Variants in MUSK observed in about 807,000 individuals in gnomAD.
MUSK encodes the protein muscle, skeletal receptor tyrosine-protein kinase.
In MUSK, 55 loss-of-function variants were observed where a neutral mutation model predicts 88.7. The ratio of observed to expected loss-of-function variants is 0.62; its 90% CI spans 0.50 to 0.78. The LOEUF is 0.78. Among genes scored for constraint, MUSK ranks in the 30% least tolerant of loss-of-function variants. MUSK has a pLI of 0.00. For missense variants in MUSK, 1,015 were observed against 1,074.3 expected (o/e 0.94, Z 0.77); for synonymous variants, 387 against 391.9 (o/e 0.99, Z 0.15).
intron 5 of MUSK, among the ~76,000 whole-genome samples, chr9:110,713,364 A>G (rs2076701633): frequency 6.6e-6 from 1 of 150,788 alleles, no homozygotes; most frequent in Admixed American, 6.6e-5. Context: ...GGTTCAAGCG[A>G]TTCTTATGCT....
chr9:110,775,899 A>G lies in MUSK; in HGVS notation c.1296A>G (p.Pro432=). 1 of 1,613,992 alleles carries G rather than the reference A, an allele frequency of 6.2e-7. No individual in the cohort carries two copies. The highest frequency in any genetic ancestry group is 8.5e-7 in the Non-Finnish European group (1 of 1,179,856). The change falls in exon 10 of 15, where the codon CCA becomes CCG. Residue 432 remains proline, a synonymous_variant. Coordinates refer to ENST00000374448, the MANE Select transcript of MUSK (RefSeq NM_005592.4). ...YRSEMHLLSV[P]ECSKLPSMHW... ...CCGAGATGCATTTGCTGTCCGTGCC[A>G]GAATGCAGCAAGCTTCCCAGCATGC...
At chr9:110,682,048 C>A (rs1587889681) in intron 1 of MUSK, among the ~76,000 whole-genome samples, 2 of 152,094 alleles carry the variant, frequency 1.3e-5, no homozygotes, top group African/African-American at 4.8e-5. Context: ...ATTCACATAC[C>A]GTGCGCTTTA....
chr9:110,668,867 C>T lies in MUSK; in HGVS notation c.-38C>T, dbSNP rs1180215204. 17 of 1,544,048 alleles carry T rather than the reference C, an allele frequency of 1.1e-5. No homozygotes were observed. Among genetic ancestry groups the T allele is most frequent in the Non-Finnish European group, 1.5e-5 (17 of 1,116,642 alleles). The stretch of plus-strand genomic sequence containing the variant: ...TGTGGAGCCATTTTCCTTGCGTTGT[C>T]CAGAAGGAACTTCGTCCTGCGTGAG... On this transcript the variant is annotated 5_prime_UTR_variant, in exon 1 of 15. Transcript: ENST00000374448.
chr9:110,689,787 AT>A (rs1336151109), intron 3 of MUSK, among the ~76,000 whole-genome samples: 12 of 62,118 alleles, frequency 1.9e-4, no homozygotes, highest in African/African-American at 3.0e-4. Context: ...TAGTTTATAT[AT>A]TTTTTAATAT....
intron 5 of MUSK, among the ~76,000 whole-genome samples, chr9:110,698,576 T>G (rs762067433): frequency 2.0e-5 from 3 of 152,176 alleles, no homozygotes; most frequent in Non-Finnish European, 4.4e-5. Flanking sequence ...ATTTCCTTGA[T>G]GGACATTCCT....
chr9:110,790,451 C>T (rs193295345), intron 14 of MUSK, among the ~76,000 whole-genome samples: 14 of 152,202 alleles, frequency 9.2e-5, no homozygotes, highest in Admixed American at 5.2e-4. Flanking sequence ...AGAATGATCC[C>T]GTAAAGAGAA....
chr9:110,785,647 G>A lies in MUSK; in HGVS notation c.1707G>A (p.Glu569=), dbSNP rs369090684. The A allele has an allele frequency of 1.2e-5, 20 of 1,613,302 alleles. No individual in the cohort carries two copies. Among genetic ancestry groups the A allele is most frequent in the Non-Finnish European group, 1.6e-5 (19 of 1,179,592 alleles). The part of the protein sequence containing the change: ...LLLNPKLLSL[E]YPRNNIEYVR... ...TGAACCCCAAATTGCTCAGCCTGGA[G>A]TATCCAAGGAATAACATTGAATATG... The change falls in exon 13 of 15, where the codon GAG becomes GAA. Residue 569 remains glutamate (E), a synonymous_variant. Transcript: ENST00000374448.
At chr9:110,738,163 C>G (rs2077052519) in intron 6 of MUSK, among the ~76,000 whole-genome samples, 1 of 152,098 alleles carries the variant, frequency 6.6e-6, no homozygotes, top group Non-Finnish European at 1.5e-5. Context: ...TTCTATCTAT[C>G]AAATCACCTC....
At chr9:110,691,745 G>A (rs1044448040) in intron 3 of MUSK, among the ~76,000 whole-genome samples, 1 of 152,072 alleles carries the variant, frequency 6.6e-6, no homozygotes, top group African/African-American at 2.4e-5. Context: ...TTTAGTTTTT[G>A]TGTTGTTGTC....
intron 1 of MUSK, among the ~76,000 whole-genome samples, chr9:110,681,683 A>AT (rs1219493997): frequency 4.0e-5 from 6 of 151,756 alleles, no homozygotes; most frequent in Non-Finnish European, 8.8e-5. Flanking sequence ...CCCACTCACC[A>AT]TTTTTTTTCA....
At chr9:110,734,904 A>G (rs2077009840) in intron 6 of MUSK, among the ~76,000 whole-genome samples, 1 of 152,114 alleles carries the variant, frequency 6.6e-6, no homozygotes, top group African/African-American at 2.4e-5. Flanking sequence ...CTGAACATCA[A>G]ACACTATTCT....
intron 6 of MUSK, among the ~76,000 whole-genome samples, chr9:110,738,684 G>C (rs190104455): frequency 1.3e-5 from 2 of 152,138 alleles, no homozygotes; most frequent in Non-Finnish European, 2.9e-5. Flanking sequence ...CCCAGAAGGG[G>C]TGGGTGGGAG....
chr9:110,738,626 C>T (rs1449448571), intron 6 of MUSK, among the ~76,000 whole-genome samples: 1 of 152,164 alleles, frequency 6.6e-6, no homozygotes, highest in Non-Finnish European at 1.5e-5. Flanking sequence ...TGGCTTCTTA[C>T]CTCATGCTCA....
intron 3 of MUSK, among the ~76,000 whole-genome samples, chr9:110,690,121 TATA>T (rs1300648414): frequency 2.8e-5 from 2 of 71,872 alleles, no homozygotes; most frequent in Non-Finnish European, 4.8e-5. Flanking sequence ...AAATATATAT[TATA>T]TAAGTATAAA....
intron 1 of MUSK, among the ~76,000 whole-genome samples, chr9:110,675,215 CTTTTTTTTTT>C (rs386415865): frequency 3.3e-4 from 29 of 88,362 alleles, no homozygotes; most frequent in African/African-American, 1.0e-3. Context: ...CACATTGCCT[CTTTTTTTTTT>C]TTTTTTTTTT....
intron 1 of MUSK, among the ~76,000 whole-genome samples, chr9:110,677,654 T>C (rs977040107): frequency 6.6e-6 from 1 of 152,224 alleles, no homozygotes; most frequent in African/African-American, 2.4e-5. Flanking sequence ...AACACTCTTC[T>C]CTCTCCACTG....
chr9:110,762,246 T>G, intron 8 of MUSK, 38 bp downstream of exon 8: 1 of 1,398,250 alleles, frequency 7.2e-7, no homozygotes, highest in Non-Finnish European at 9.4e-7. Context: ...TTCCAATGTT[T>G]TGTTTTGTAG....
At chr9:110,751,872 G>A (rs768062000) in intron 7 of MUSK, among the ~76,000 whole-genome samples, 6 of 152,150 alleles carry the variant, frequency 3.9e-5, no homozygotes, top group African/African-American at 7.2e-5. Flanking sequence ...CACGATGTTC[G>A]GAGTCAAGTA....
At chr9:110,745,780 G>T (rs900858391) in intron 6 of MUSK, among the ~76,000 whole-genome samples, 3 of 152,132 alleles carry the variant, frequency 2.0e-5, no homozygotes, top group Non-Finnish European at 4.4e-5. Context: ...GATCTGACCT[G>T]GAAAGATTCC....
Sources: allele counts gnomAD v4.1 joint callset (sites outside exome capture counted in the v4.1 genomes callset), GRCh38; gene constraint gnomAD v4.1.1; transcripts MANE v1.5; gene names NCBI Gene and HGNC (gene_info 2026-07-23, HGNC 2026-07-21).